The following UBE2U variants were observed in gnomAD, a reference collection of about 807,000 sequenced individuals.
UBE2U encodes the protein ubiquitin-conjugating enzyme E2 U.
A neutral mutation model predicts 41.2 loss-of-function variants in UBE2U; 39 were observed. The observed-to-expected ratio is 0.95, with a 90% CI of 0.73 to 1.24. The LOEUF is 1.24. Ranked by LOEUF, UBE2U falls within the 50% of genes most tolerant of loss-of-function variation. The pLI is 0.00. For synonymous variants in UBE2U, 107 were observed against 117.8 expected, an observed-to-expected ratio of 0.91 and a Z score of 0.60; for missense variants, 336 against 363.1, an observed-to-expected ratio of 0.93 and a Z score of 0.61.
intron 8 of UBE2U, among the ~76,000 whole-genome samples, chr1:64,250,790 A>G (rs1644994775): frequency 6.6e-6 from 1 of 151,934 alleles, no homozygotes; most frequent in African/African-American, 2.4e-5. Flanking sequence ...GGAAACCATC[A>G]TTCTCAGCAA....
chr1:64,232,949 G>C (rs575922243), intron 7 of UBE2U, among the ~76,000 whole-genome samples: 1 of 151,804 alleles, frequency 6.6e-6, no homozygotes, highest in East Asian at 1.9e-4. Flanking sequence ...TCCTGCTTCA[G>C]CCTCCTGAGT....
At chr1:64,236,353 A>G (rs971770208) in intron 7 of UBE2U, among the ~76,000 whole-genome samples, 8 of 152,164 alleles carry the variant, frequency 5.3e-5, no homozygotes, top group African/African-American at 1.4e-4. Flanking sequence ...TATGACATCA[A>G]ATTTTTATCT....
intron 7 of UBE2U, among the ~76,000 whole-genome samples, chr1:64,237,304 G>GAAA (rs35861714): frequency 6.3e-5 from 6 of 95,752 alleles, no homozygotes; most frequent in African/African-American, 9.3e-5. Context: ...ATGTATCATA[G>GAAA]AAAAAAAAAA....
At chr1:64,227,349 C>T (rs973723382) in intron 6 of UBE2U, among the ~76,000 whole-genome samples, 7 of 152,096 alleles carry the variant, frequency 4.6e-5, no homozygotes, top group South Asian at 4.1e-4. Context: ...TCATAGATAA[C>T]ATGATTATGT....
chr1:64,216,286 A>G (rs1445903844), intron 5 of UBE2U, among the ~76,000 whole-genome samples: 2 of 152,174 alleles, frequency 1.3e-5, no homozygotes, highest in Non-Finnish European at 2.9e-5. Context: ...TCTTCTAAGT[A>G]TGTGTTATAT....
At position 64,220,881 on chromosome 1, in the gene UBE2U, A is replaced by C. The variant is rs751833580; in HGVS notation, c.480A>C (p.Leu160Phe). The C allele has an allele frequency of 1.9e-6, 3 of 1,606,582 alleles. No individual in the cohort carries two copies. Among genetic ancestry groups the C allele is most frequent in the Non-Finnish European group, 2.5e-6 (3 of 1,177,782 alleles). ...TAGTGAAAGATGACAGCCAGGAGTT[A>C]CCTAAAGACCCACGTAAATGTATCA... ...PLQMKDDSQE[L>F]PKDPRKCIRP... The change falls in exon 6 of 10, where the codon TTA becomes TTC. Residue 160 changes from leucine (L) to phenylalanine (F), a missense_variant. Leu to Phe is a conservative substitution (Grantham distance 22). Coordinates refer to ENST00000371077, the MANE Select transcript of UBE2U (RefSeq NM_001366232.2).
At chr1:64,260,550 T>A (rs1372209232) in intron 8 of UBE2U, 53 bp from the exon 9 acceptor site, 3 of 1,392,800 alleles carry the variant, frequency 2.2e-6, no homozygotes, top group Non-Finnish European at 2.9e-6. Flanking sequence ...CAGAAGTAAA[T>A]ATACCCTTAC....
intron 6 of UBE2U, among the ~76,000 whole-genome samples, chr1:64,231,652 T>G (rs1185687555): frequency 6.6e-6 from 1 of 152,212 alleles, no homozygotes; most frequent in Non-Finnish European, 1.5e-5. Flanking sequence ...TAATGCCTCA[T>G]TAATTTAAAA....
At chr1:64,206,208 A>G (rs1651288327) in intron 2 of UBE2U, among the ~76,000 whole-genome samples, 1 of 152,180 alleles carries the variant, frequency 6.6e-6, no homozygotes, top group Non-Finnish European at 1.5e-5. Flanking sequence ...GATTAATAAG[A>G]TAGATTCCTT....
intron 4 of UBE2U, among the ~76,000 whole-genome samples, chr1:64,213,007 G>T (rs1004037119): frequency 6.6e-6 from 1 of 152,084 alleles, no homozygotes; most frequent in Non-Finnish European, 1.5e-5. Context: ...GGAAGGAAAA[G>T]AAAATCACTG....
At chr1:64,263,509 C>T (rs552582130) in intron 9 of UBE2U, among the ~76,000 whole-genome samples, 93 of 152,302 alleles carry the variant, frequency 6.1e-4, no homozygotes, top group African/African-American at 2.1e-3. Flanking sequence ...AGAAGCCAAC[C>T]ACCTATTGAC....
chr1:64,256,403 A>G (rs1645092078), intron 8 of UBE2U, among the ~76,000 whole-genome samples: 1 of 152,218 alleles, frequency 6.6e-6, no homozygotes, highest in Non-Finnish European at 1.5e-5. Flanking sequence ...ACAGCATGAT[A>G]CTAGTACAAG....
intron 9 of UBE2U, among the ~76,000 whole-genome samples, chr1:64,261,444 TG>T (rs1645179593): frequency 3.3e-5 from 5 of 152,232 alleles, no homozygotes; most frequent in Admixed American, 6.5e-5. Flanking sequence ...AAATAGTTAC[TG>T]TTTTTTCCTG....
At chr1:64,233,438 T>C (rs1175899914) in intron 7 of UBE2U, among the ~76,000 whole-genome samples, 1 of 152,198 alleles carries the variant, frequency 6.6e-6, no homozygotes, top group Non-Finnish European at 1.5e-5. Flanking sequence ...AGCCCTGGAC[T>C]GAAGTCTGAT....
intron 9 of UBE2U, 90 bp from the exon 10 acceptor site, chr1:64,266,934 C>A: frequency 3.3e-6 from 4 of 1,198,186 alleles, no homozygotes; most frequent in Non-Finnish European, 4.6e-6. Flanking sequence ...TGGTCTTTGG[C>A]ATTATCCTAC....
chr1:64,221,993 A>G (rs1436184051), intron 6 of UBE2U, among the ~76,000 whole-genome samples: 3 of 150,134 alleles, frequency 2.0e-5, no homozygotes, highest in Non-Finnish European at 4.4e-5. Flanking sequence ...AGGCTGAGGC[A>G]GGAGAATGGT....
chr1:64,221,356 A>G (rs1168502615), intron 6 of UBE2U, among the ~76,000 whole-genome samples: 1 of 151,936 alleles, frequency 6.6e-6, no homozygotes, highest in African/African-American at 2.4e-5. Flanking sequence ...CAGGTGATCC[A>G]CCCGCCTCGG....
chr1:64,208,603 CAAAAAAAAAAAAAAAAAAAAAAAAAAA>C (rs56972795), intron 3 of UBE2U, among the ~76,000 whole-genome samples: 7 of 36,462 alleles, frequency 1.9e-4, no homozygotes, highest in African/African-American at 5.0e-4. Flanking sequence ...GACGCTGTCT[CAAAAAAAAAAAAAAAAAAAAAAAAAAA>C]AAAAAAAAAA....
rs114712320 is a variant in UBE2U, at chr1:64,260,362, T to C, written c.678-241T>C. Among the ~76,000 whole-genome samples the C allele has an allele frequency of 2.0e-3, 312 of 152,334 alleles. 1 individual carries two copies. Among genetic ancestry groups the C allele is most frequent in the African/African-American group, 7.1e-3 (297 of 41,568 alleles). ...ACTTTTACTATGATGTTTTTTACTA[T>C]GACATAAGTAGTAAACATGTCATAT... On this transcript the variant is annotated intron_variant, in intron 8 of 9. Transcript: ENST00000371077.
Sources: allele counts gnomAD v4.1 joint callset (sites outside exome capture counted in the v4.1 genomes callset), GRCh38; gene constraint gnomAD v4.1.1; transcripts MANE v1.5; gene names NCBI Gene and HGNC (gene_info 2026-07-23, HGNC 2026-07-21).